Variants in ERGIC1 observed in about 807,000 individuals in gnomAD.
ERGIC1 encodes endoplasmic reticulum-golgi intermediate compartment 1, also known as endoplasmic reticulum-Golgi intermediate compartment protein 1.
ERGIC1 carries 19 observed loss-of-function variants against 38.3 expected under a neutral mutation model. The observed-to-expected ratio is 0.50, with a 90% CI of 0.35 to 0.73. The LOEUF (loss-of-function observed/expected upper bound fraction) is 0.73, where lower values mean the gene tolerates loss of function less well. Ranked by LOEUF, ERGIC1 falls within the 30% of genes least tolerant of loss-of-function variation. The probability of loss-of-function intolerance (pLI) is 0.01; values close to 1 mark genes in which losing one functional copy is unlikely to be tolerated. For missense variants in ERGIC1, 294 were observed against 389.2 expected (o/e 0.76, Z 2.06); for synonymous variants, 124 against 157.6 (o/e 0.79, Z 1.60).
At position 172,914,735 on chromosome 5, in the gene ERGIC1, A is replaced by G. The variant is rs1489109856; in HGVS notation, c.272A>G (p.Asp91Gly). ...GCAGTGGTTGGGCTTGACATTCAGG[A>G]TGAGATGGGCAGGCACGAAGTGGGC... The part of the protein sequence containing the change: ...HCELVGLDIQ[D>G]EMGRHEVGHI... The change falls in exon 5 of 10, where the codon GAT (aspartate) becomes GGT (glycine). Residue 91 changes from aspartate (D) to glycine (G), a missense_variant. By Grantham distance (94) the Asp-to-Gly change is moderately conservative (BLOSUM62 -1). This residue lies in a region of ERGIC1 where 163 missense variants were observed against 225.8 expected (regional missense o/e 0.72). Transcript: ENST00000393784. The G allele has an allele frequency of 6.2e-7, 1 of 1,613,966 alleles. No homozygotes were observed. The highest frequency in any genetic ancestry group is 8.5e-7 in the Non-Finnish European group (1 of 1,180,042).
chr5:172,908,489 T>C (rs1370050917), intron 3 of ERGIC1, among the ~76,000 whole-genome samples: 2 of 151,382 alleles, frequency 1.3e-5, no homozygotes, highest in African/African-American at 4.9e-5. Context: ...GGCAGAATAA[T>C]TGCTTGGACC....
intron 9 of ERGIC1, among the ~76,000 whole-genome samples, chr5:172,940,302 C>T (rs575589840): frequency 1.3e-5 from 2 of 152,270 alleles, no homozygotes; most frequent in East Asian, 1.9e-4. Context: ...TTCTCTCTCT[C>T]GGCACGTGGG....
chr5:172,880,614 C>G (rs887343613), intron 1 of ERGIC1, among the ~76,000 whole-genome samples: 1 of 152,304 alleles, frequency 6.6e-6, no homozygotes, highest in Non-Finnish European at 1.5e-5. Context: ...GCGTGGGCAC[C>G]ACACCTGGCT....
intron 9 of ERGIC1, among the ~76,000 whole-genome samples, chr5:172,938,251 C>T (rs1214624015): frequency 3.7e-4 from 57 of 152,196 alleles, no homozygotes; most frequent in Admixed American, 3.6e-3. Context: ...TCCACACCCA[C>T]GATAAGCCAC....
intron 9 of ERGIC1, among the ~76,000 whole-genome samples, chr5:172,943,439 C>A (rs1479044631): frequency 6.6e-6 from 1 of 151,938 alleles, no homozygotes; most frequent in South Asian, 2.1e-4. Context: ...TTCTCATCCC[C>A]GGCTCCAGCC....
rs1252745317 is a variant in ERGIC1 at position 172,909,587 on chromosome 5, A to G, written c.156-80A>G. ...TTATCTAAGTTGTGGTCACCAAGTG[A>G]AGTGATCCCCGGCTGTCCCCCGCAG... On this transcript the variant is annotated intron_variant, in intron 3 of 9. Coordinates refer to ENST00000393784, the MANE Select transcript of ERGIC1 (RefSeq NM_001031711.3). 10 of 1,326,028 alleles carry G rather than the reference A, an allele frequency of 7.5e-6. No individual in the cohort carries two copies. The African/African-American group carries it at 1.0e-4, about 13-fold the overall frequency. The allele number at this position is 1,326,028 out of a possible 1,614,324, so 82.1% of individuals were successfully genotyped here.
intron 2 of ERGIC1, among the ~76,000 whole-genome samples, chr5:172,896,171 C>T (rs942602578): frequency 4.6e-5 from 7 of 151,834 alleles, no homozygotes; most frequent in Admixed American, 4.6e-4. Flanking sequence ...GGTGAAACCC[C>T]GTCTCTACTA....
intron 4 of ERGIC1, among the ~76,000 whole-genome samples, chr5:172,913,608 C>CT (rs1763267135): frequency 6.6e-6 from 1 of 152,206 alleles, no homozygotes; most frequent in Non-Finnish European, 1.5e-5. Flanking sequence ...TTGCTTCCAG[C>CT]TGTTCTTCCT....
chr5:172,918,189 G>A (rs1032853758), intron 5 of ERGIC1: 9 of 152,178 alleles, frequency 5.9e-5, no homozygotes, highest in African/African-American at 2.2e-4. Flanking sequence ...GTAATTATTA[G>A]ACCCACCACT....
intron 1 of ERGIC1, among the ~76,000 whole-genome samples, chr5:172,876,673 A>G (rs1404692714): frequency 6.6e-6 from 1 of 151,686 alleles, no homozygotes; most frequent in African/African-American, 2.4e-5. Context: ...CCATGAAACC[A>G]TCATCACAGC....
chr5:172,862,087 G>A (rs1761717397), intron 1 of ERGIC1, among the ~76,000 whole-genome samples: 1 of 151,504 alleles, frequency 6.6e-6, no homozygotes, highest in Non-Finnish European at 1.5e-5. Flanking sequence ...CGCCTCCCGG[G>A]TTCAAGCGAT....
At chr5:172,865,691 A>G (rs75954018) in intron 1 of ERGIC1, among the ~76,000 whole-genome samples, 1,784 of 152,240 alleles carry the variant, frequency 0.012, 26 homozygotes, top group African/African-American at 0.04. Context: ...CCTGTTCTTC[A>G]GGTCACACAC....
chr5:172,862,080 C>T (rs943838557), intron 1 of ERGIC1, among the ~76,000 whole-genome samples: 1 of 151,540 alleles, frequency 6.6e-6, no homozygotes, highest in Non-Finnish European at 1.5e-5. Flanking sequence ...CAACCTCCGC[C>T]TCCCGGGTTC....
In ERGIC1 at chr5:172,854,288, G is replaced by T. The variant is rs145767534; in HGVS notation, c.20+19855G>T. 2.1e-3 allele frequency among the ~76,000 whole-genome samples: 322 copies of T among 152,212 alleles called. 3 individuals are homozygous for T. Among genetic ancestry groups the T allele is most frequent in the South Asian group, 5.2e-3 (25 of 4,812 alleles). On this transcript the variant is annotated intron_variant, in intron 1 of 9. Transcript: ENST00000393784. The stretch of plus-strand genomic sequence containing the variant: ...TCTCAGCTACTCAGGAGGCTGAGGC[G>T]GGAGGATCACTTGAGCCCGGGAGGT...
At chr5:172,845,119 C>T (rs1245605567) in intron 1 of ERGIC1, among the ~76,000 whole-genome samples, 1 of 152,124 alleles carries the variant, frequency 6.6e-6, no homozygotes, top group East Asian at 1.9e-4. Flanking sequence ...GTCTCTGTGC[C>T]AAAGCTGGCT....
intron 1 of ERGIC1, among the ~76,000 whole-genome samples, chr5:172,836,519 A>C (rs1010163373): frequency 6.6e-6 from 1 of 152,202 alleles, no homozygotes; most frequent in African/African-American, 2.4e-5. Context: ...AGGATGAGCC[A>C]TGTGTGCCCA....
At chr5:172,935,138 C>A (rs1208921444) in intron 8 of ERGIC1, 50 bp from the exon 9 acceptor site, 1 of 1,612,750 alleles carries the variant, frequency 6.2e-7, no homozygotes, top group South Asian at 1.1e-5. Context: ...CAGTCCCCGC[C>A]CCCCCTGAGA....
At chr5:172,869,381 G>T (rs74575189) in intron 1 of ERGIC1, among the ~76,000 whole-genome samples, 123 of 152,344 alleles carry the variant, frequency 8.1e-4, no homozygotes, top group African/African-American at 2.8e-3. Flanking sequence ...TGAGGACTCT[G>T]CAGCCAGCAC....
intron 7 of ERGIC1, among the ~76,000 whole-genome samples, chr5:172,928,836 G>A (rs1372522805): frequency 6.6e-6 from 1 of 152,162 alleles, no homozygotes; most frequent in East Asian, 1.9e-4. Flanking sequence ...CTCAGTTTCT[G>A]CATGTGTAAA....
Sources: allele counts gnomAD v4.1 joint callset (sites outside exome capture counted in the v4.1 genomes callset), GRCh38; gene constraint gnomAD v4.1.1; regional missense constraint gnomAD v4.1.1; transcripts MANE v1.5; gene names NCBI Gene and HGNC (gene_info 2026-07-23, HGNC 2026-07-21).